Variants in KCNAB2 observed in about 807,000 individuals in gnomAD.
The protein encoded by KCNAB2 is potassium voltage-gated channel subfamily A regulatory beta subunit 2.
A neutral mutation model predicts 63.6 loss-of-function variants in KCNAB2; 29 were observed. The ratio of observed to expected loss-of-function variants is 0.46; its 90% CI spans 0.34 to 0.62. The LOEUF (loss-of-function observed/expected upper bound fraction) is 0.62, where lower values mean the gene tolerates loss of function less well. KCNAB2 is among the 20% of genes least tolerant of loss of function. The pLI is 0.01. For synonymous variants in KCNAB2, 222 were observed against 224.2 expected, an observed-to-expected ratio of 0.99 and a Z score of 0.09; for missense variants, 359 against 563.9, an observed-to-expected ratio of 0.64 and a Z score of 3.68.
rs905676807 is a variant in KCNAB2, at chr1:6,096,241, G to C, written c.949-395G>C. 3.5e-5 allele frequency: 15 copies of C among 433,354 alleles called. No homozygotes were observed. The highest frequency in any genetic ancestry group is 1.6e-4 in the Admixed American group (6 of 38,236). 26.8% of individuals were successfully genotyped at this position (433,354 alleles called of 1,614,324 possible). On this transcript the variant is annotated intron_variant, in intron 13 of 15. Coordinates refer to ENST00000378083, the MANE Select transcript of KCNAB2 (RefSeq NM_001199862.2). The surrounding 1 kb of genome is among the most constrained non-coding windows in gnomAD (Gnocchi z 5.9). Reference sequence around the variant, plus strand: ...CCTCCAGGAGGCCCTGCAATCCTCTGGGGGGGATGGCCAGGGGAGAGAGCA... The same window carrying C: ...CCTCCAGGAGGCCCTGCAATCCTCTCGGGGGGATGGCCAGGGGAGAGAGCA...
chr1:6,052,514 G>A (rs1187790341), intron 2 of KCNAB2, among the ~76,000 whole-genome samples: 1 of 152,120 alleles, frequency 6.6e-6, no homozygotes, highest in African/African-American at 2.4e-5. Context: ...GTTTCTGGGT[G>A]TTGGAGACCC....
rs1663018495 is a variant in KCNAB2 at position 6,069,459 on chromosome 1, A to C, written c.219-3296A>C. 6.6e-6 allele frequency among the ~76,000 whole-genome samples: 1 copy of C among 152,106 alleles called. No individual in the cohort carries two copies. Among genetic ancestry groups the C allele is most frequent in the South Asian group, 2.1e-4 (1 of 4,830 alleles). ...GGGCATCAGTGCTCCCCTCCGGCAGAGGTTATGTCTGTGAGTCCTCACTCC... is the reference window on the plus strand; with the variant it reads ...GGGCATCAGTGCTCCCCTCCGGCAGCGGTTATGTCTGTGAGTCCTCACTCC... On this transcript the variant is annotated intron_variant, in intron 2 of 15. Transcript: ENST00000378083. The surrounding 1 kb of genome is among the most constrained non-coding windows in gnomAD (Gnocchi z 5.4).
rs898911798 is a variant in KCNAB2, at chr1:6,049,023, A to G, written c.-26-2488A>G. On this transcript the variant is annotated intron_variant, in intron 1 of 15. Coordinates refer to ENST00000378083, the MANE Select transcript of KCNAB2 (RefSeq NM_001199862.2). Reference sequence around the variant, plus strand: ...AGGGTACCCGCCTGCTTTAGCGTCCAGAGGTCCAGCAGCCACCACCCCTCC... The same window carrying G: ...AGGGTACCCGCCTGCTTTAGCGTCCGGAGGTCCAGCAGCCACCACCCCTCC... Among the ~76,000 whole-genome samples the G allele has an allele frequency of 5.9e-5, 9 of 152,340 alleles. No homozygotes were observed. In the South Asian group the frequency reaches 1.0e-3, roughly 18 times the overall value.
rs1307524867 is a variant in KCNAB2, at chr1:6,086,257, A to G, written c.425+1009A>G. On this transcript the variant is annotated intron_variant, in intron 6 of 15. Transcript: ENST00000378083. The surrounding 1 kb of genome is among the most constrained non-coding windows in gnomAD (Gnocchi z 4.2). Reference sequence around the variant, plus strand: ...AAGGGGAGCCCCCGCCCCCTCCCCCATGGATTCCTGACACCCCTTCCTCTT... The same window carrying G: ...AAGGGGAGCCCCCGCCCCCTCCCCCGTGGATTCCTGACACCCCTTCCTCTT... The G allele has an allele frequency of 1.3e-6, 1 of 793,138 alleles. No homozygotes were observed. The highest frequency in any genetic ancestry group is 2.8e-5 in the African/African-American group (1 of 35,316). 49.1% of individuals were successfully genotyped at this position (793,138 alleles called of 1,614,324 possible). A position where few individuals can be genotyped will look rare whatever the true frequency, so the allele number is the denominator to read the frequency against.
Position 6,069,692 on chromosome 1 carries a change from C to G in KCNAB2, c.219-3063C>G, listed in dbSNP as rs558112499. Among the ~76,000 whole-genome samples the G allele has an allele frequency of 3.2e-4, 49 of 152,302 alleles. 1 individual carries two copies. The East Asian group carries it at 9.3e-3, about 29-fold the overall frequency. On this transcript the variant is annotated intron_variant, in intron 2 of 15. Coordinates refer to ENST00000378083, the MANE Select transcript of KCNAB2 (RefSeq NM_001199862.2). This position sits in a 1 kb window ranked among gnomAD's most constrained non-coding sequence, Gnocchi z 5.4. ...CCCGGCTGAGACGTGTGCTCCCCAC[C>G]CCACACGCAGCAGCCATGCTTACAA...
rs1188413605 is a variant in KCNAB2 at position 6,099,922 on chromosome 1, C to A, written c.*1348C>A. ...GTAAGTCTGCAGGTGCGGGGTGCCA[C>A]CTACAGGCCCAGGCCTGTGTCCCAA... is the stretch of plus-strand genomic sequence containing the variant. On this transcript the variant is annotated 3_prime_UTR_variant, in exon 16 of 16. Transcript: ENST00000378083. 3.2e-6 allele frequency: 5 copies of A among 1,550,454 alleles called. No individual in the cohort carries two copies. Among genetic ancestry groups the A allele is most frequent in the Middle Eastern group, 1.7e-4 (1 of 5,986 alleles).
rs753997117 is a variant in KCNAB2 at position 6,096,644 on chromosome 1, G to A, written c.957G>A (p.Gln319=). The A allele has an allele frequency of 3.7e-6, 6 of 1,610,674 alleles. No individual in the cohort carries two copies. In the South Asian group the frequency reaches 6.6e-5, roughly 18 times the overall value. ...CCCTCCCCCGCAACCAGGGCTACCA[G>A]TGGCTGAAGGACAAGATCCTCAGTG... The part of the protein sequence containing the change: ...PYSRASLKGY[Q]WLKDKILSEE... Residue 319 remains glutamine (Q), a synonymous_variant, in exon 14 of 16, where the codon CAG becomes CAA. Transcript: ENST00000378083. This position sits in a 1 kb window ranked among gnomAD's most constrained non-coding sequence, Gnocchi z 5.9.
intron 2 of KCNAB2, among the ~76,000 whole-genome samples, chr1:6,058,407 G>A (rs913350375): frequency 1.3e-5 from 2 of 152,158 alleles, no homozygotes; most frequent in Admixed American, 6.5e-5. Context: ...GGCTCCCACC[G>A]GCTACCTGTG....
intron 2 of KCNAB2, among the ~76,000 whole-genome samples, chr1:6,053,024 C>T (rs1023331342): frequency 6.6e-6 from 1 of 152,030 alleles, no homozygotes; most frequent in African/African-American, 2.4e-5. Flanking sequence ...CTCCTGTGGA[C>T]GGCGTGTTTG....
At chr1:6,002,599 C>G (rs185047271) in intron 1 of KCNAB2, among the ~76,000 whole-genome samples, 2 of 152,208 alleles carry the variant, frequency 1.3e-5, no homozygotes, top group Non-Finnish European at 2.9e-5. Context: ...TTTTTACAAA[C>G]GAGGCACTTA....
At chr1:6,007,060 G>A (rs1004927369) in intron 1 of KCNAB2, among the ~76,000 whole-genome samples, 2 of 152,152 alleles carry the variant, frequency 1.3e-5, no homozygotes, top group Non-Finnish European at 2.9e-5. Flanking sequence ...AGGGCTGGCC[G>A]AGAGTCAGCG....
intron 2 of KCNAB2, among the ~76,000 whole-genome samples, chr1:6,057,481 G>GC (rs1440153774): frequency 2.2e-5 from 2 of 89,296 alleles, no homozygotes; most frequent in African/African-American, 4.4e-5. Flanking sequence ...GCAGAGACCA[G>GC]GGGGGATGGC....
chr1:6,068,937 C>T (rs879489403), intron 2 of KCNAB2, among the ~76,000 whole-genome samples: 2 of 152,202 alleles, frequency 1.3e-5, no homozygotes, highest in Non-Finnish European at 2.9e-5. Context: ...AAGGCGTGCT[C>T]AGTGTAGGAT....
At chr1:6,014,650 A>G (rs1298355705) in intron 1 of KCNAB2, among the ~76,000 whole-genome samples, 1 of 152,170 alleles carries the variant, frequency 6.6e-6, no homozygotes. Flanking sequence ...TGTTTACTCC[A>G]GAGAAGATGA....
intron 11 of KCNAB2, 119 bp from the exon 12 acceptor site, chr1:6,095,204 G>T (rs1275690274): frequency 9.4e-7 from 1 of 1,058,250 alleles, no homozygotes; most frequent in Admixed American, 2.3e-5. Flanking sequence ...GGGAGCCCGG[G>T]CTGCAGCTGC....
In KCNAB2 at chr1:6,086,324, A is replaced by G; in HGVS notation, c.425+1076A>G. 1 of 985,040 alleles carries G rather than the reference A, an allele frequency of 1.0e-6. No homozygotes were observed. The highest frequency in any genetic ancestry group is 1.2e-6 in the Non-Finnish European group (1 of 829,870). The allele number at this position is 985,040 out of a possible 1,614,324, so 61.0% of individuals were successfully genotyped here. A position where few individuals can be genotyped will look rare whatever the true frequency, so the allele number is the denominator to read the frequency against. ...TTTTTGGCAACTCTGATCCCAAAAC[A>G]AATTCCTCCTCACCCTGTAATTAAA... On this transcript the variant is annotated intron_variant, in intron 6 of 15. Coordinates refer to ENST00000378083, the MANE Select transcript of KCNAB2 (RefSeq NM_001199862.2). This position sits in a 1 kb window ranked among gnomAD's most constrained non-coding sequence, Gnocchi z 4.2.
chr1:5,999,000 C>T (rs78749754), intron 1 of KCNAB2, among the ~76,000 whole-genome samples: 6 of 152,326 alleles, frequency 3.9e-5, no homozygotes, highest in African/African-American at 1.2e-4. Context: ...CCGGGGCTGG[C>T]GGGCGTAGAC....
intron 15 of KCNAB2, 27 bp downstream of exon 15, chr1:6,097,384 G>A (rs768564080): frequency 6.5e-7 from 1 of 1,550,034 alleles, no homozygotes; most frequent in Non-Finnish European, 8.7e-7. Flanking sequence ...CTGCTGGGCA[G>A]AGGGCCCATC....
At position 6,046,098 on chromosome 1, in the gene KCNAB2, G is replaced by T; in HGVS notation, c.-112G>T. ...AGTGACACTCCCTAATGAAAAAGCC[G>T]CTGTGCCAGATCCTTAGAGTGTCTG... On this transcript the variant is annotated 5_prime_UTR_variant, in exon 1 of 16. Coordinates refer to ENST00000378083, the MANE Select transcript of KCNAB2 (RefSeq NM_001199862.2). 5.1e-6 allele frequency: 5 copies of T among 985,410 alleles called. No homozygotes were observed. Among genetic ancestry groups the T allele is most frequent in the Non-Finnish European group, 6.0e-6 (5 of 829,908 alleles). 61.0% of individuals were successfully genotyped at this position (985,410 alleles called of 1,614,324 possible). A position where few individuals can be genotyped will look rare whatever the true frequency, so the allele number is the denominator to read the frequency against.
Sources: gnomAD v4.1 joint callset for allele counts (sites outside exome capture counted in the v4.1 genomes callset) on GRCh38, gnomAD v4.1.1 for gene constraint, Gnocchi (gnomAD v3.1) non-coding constraint, MANE v1.5 for transcripts, NCBI Gene and HGNC (gene_info 2026-07-23, HGNC 2026-07-21) for gene names.